PPME1: variants seen among roughly 807,000 people sequenced by gnomAD.
PPME1 encodes the protein protein phosphatase methylesterase 1, also known as testicular secretory protein Li 39.
In PPME1, 17 loss-of-function variants were observed where a neutral mutation model predicts 56.9. The observed-to-expected ratio is 0.30, with a 90% CI of 0.20 to 0.45. The LOEUF is 0.45. Among genes scored for constraint, PPME1 ranks in the 20% least tolerant of loss-of-function variants. The pLI is 1.00. For synonymous variants in PPME1, 122 were observed against 156.2 expected, an observed-to-expected ratio of 0.78 and a Z score of 1.63; for missense variants, 357 against 483.2, an observed-to-expected ratio of 0.74 and a Z score of 2.45.
rs1859041124 is a variant in PPME1 at position 74,230,615 on chromosome 11, CTATG to C, written c.553+222_553+225del. Among the ~76,000 whole-genome samples, 1 of 152,070 alleles carries C rather than the reference CTATG, an allele frequency of 6.6e-6. No individual in the cohort carries two copies. Among genetic ancestry groups the C allele is most frequent in the African/African-American group, 2.4e-5 (1 of 41,394 alleles). On this transcript the variant is annotated intron_variant, in intron 6 of 13. Coordinates refer to ENST00000328257, the MANE Select transcript of PPME1 (RefSeq NM_016147.3). This position sits in a 1 kb window ranked among gnomAD's most constrained non-coding sequence, Gnocchi z 4.9. ...TTTATGGCTGCATAATATTTCAATC[CTATG>C]TATGTCCCATAATTGTATTTAATCA...
intron 10 of PPME1, among the ~76,000 whole-genome samples, 195 bp downstream of exon 10, chr11:74,246,400 C>T (rs552288815): frequency 4.6e-5 from 7 of 152,250 alleles, no homozygotes; most frequent in South Asian, 4.1e-4. Context: ...CTCACATGGC[C>T]GAGAAAGAGT....
At chr11:74,203,614 A>G in intron 1 of PPME1, 114 bp from the exon 2 acceptor site, 1 of 650,060 alleles carries the variant, frequency 1.5e-6, no homozygotes, top group Admixed American at 3.0e-5. Context: ...TATATCTTTA[A>G]GAGAAAATAC....
intron 1 of PPME1, among the ~76,000 whole-genome samples, chr11:74,202,960 T>C (rs1858211621): frequency 1.3e-5 from 2 of 152,176 alleles, no homozygotes; most frequent in Non-Finnish European, 1.5e-5. Context: ...CTTGGAGTTA[T>C]ATATATGAAT....
chr11:74,240,598 A>C (rs1859331282), intron 9 of PPME1, among the ~76,000 whole-genome samples: 1 of 152,200 alleles, frequency 6.6e-6, no homozygotes, highest in South Asian at 2.1e-4. Flanking sequence ...ACAGTATTTT[A>C]AATTTGAGGA....
At chr11:74,174,862 A>G (rs550345675) in intron 1 of PPME1, among the ~76,000 whole-genome samples, 24 of 152,338 alleles carry the variant, frequency 1.6e-4, no homozygotes, top group African/African-American at 5.8e-4. Context: ...TAACCCAACT[A>G]GTAGGTAGCA....
chr11:74,218,393 G>T (rs1858712125), intron 3 of PPME1, among the ~76,000 whole-genome samples: 1 of 151,968 alleles, frequency 6.6e-6, no homozygotes, highest in Non-Finnish European at 1.5e-5. Context: ...TCAAAAAAAT[G>T]GAACAATTGT....
At chr11:74,179,361 G>A (rs552001014) in intron 1 of PPME1, among the ~76,000 whole-genome samples, 94 of 152,308 alleles carry the variant, frequency 6.2e-4, no homozygotes, top group Middle Eastern at 3.4e-3. Flanking sequence ...AGGCATGGTG[G>A]TGCGCACCTG....
At position 74,186,081 on chromosome 11, in the gene PPME1, T is replaced by C. The variant is rs563298505; in HGVS notation, c.101+14559T>C. Among the ~76,000 whole-genome samples, 159 of 152,330 alleles carry C rather than the reference T, an allele frequency of 1.0e-3. 1 individual carries two copies. The highest frequency in any genetic ancestry group is 3.7e-3 in the African/African-American group (153 of 41,572). On this transcript the variant is annotated intron_variant, in intron 1 of 13. Coordinates refer to ENST00000328257, the MANE Select transcript of PPME1 (RefSeq NM_016147.3). ...GCTCAACACAGAAAAGTAATAGTAA[T>C]GGGAGCTAGGATTTTCAAGCACATG...
chr11:74,183,858 A>G (rs1400759985), intron 1 of PPME1, among the ~76,000 whole-genome samples: 4 of 152,170 alleles, frequency 2.6e-5, no homozygotes, highest in East Asian at 1.9e-4. Context: ...TAGGAGCTCA[A>G]TAAACATTTG....
chr11:74,189,339 A>G, intron 1 of PPME1, among the ~76,000 whole-genome samples: 1 of 152,288 alleles, frequency 6.6e-6, no homozygotes, highest in South Asian at 2.1e-4. Flanking sequence ...ACCCAGGCTG[A>G]TGTGCAGTGG....
At chr11:74,185,148 T>C in intron 1 of PPME1, among the ~76,000 whole-genome samples, 1 of 151,832 alleles carries the variant, frequency 6.6e-6, no homozygotes, top group Non-Finnish European at 1.5e-5. Context: ...TACAGGCACA[T>C]GTCACCACAA....
chr11:74,197,122 T>C (rs907295432), intron 1 of PPME1, among the ~76,000 whole-genome samples: 3 of 152,260 alleles, frequency 2.0e-5, no homozygotes, highest in Admixed American at 2.0e-4. Flanking sequence ...TCTGTTCTTA[T>C]ACCTGTACCA....
chr11:74,208,739 G>A (rs550168157), intron 3 of PPME1, among the ~76,000 whole-genome samples: 1 of 152,284 alleles, frequency 6.6e-6, no homozygotes, highest in East Asian at 1.9e-4. Context: ...TGCAGAGGAA[G>A]GAATGATTAA....
intron 9 of PPME1, among the ~76,000 whole-genome samples, chr11:74,243,005 TTA>T (rs1338904076): frequency 1.3e-5 from 2 of 151,856 alleles, no homozygotes; most frequent in Middle Eastern, 3.2e-3. Flanking sequence ...ACACAAAGCG[TTA>T]TGTTTTTAAA....
At chr11:74,202,757 T>C (rs1206364310) in intron 1 of PPME1, among the ~76,000 whole-genome samples, 1 of 152,150 alleles carries the variant, frequency 6.6e-6, no homozygotes, top group Non-Finnish European at 1.5e-5. Context: ...TTTTTAATAA[T>C]ACATGATCAA....
In PPME1 at chr11:74,187,729, A is replaced by G. The variant is rs572758928; in HGVS notation, c.102-15999A>G. Among the ~76,000 whole-genome samples the G allele has an allele frequency of 4.6e-5, 7 of 152,322 alleles. No homozygotes were observed. The East Asian group carries it at 1.2e-3, about 25-fold the overall frequency. ...TCTGCTGTTCTTCTGAAATAATACA[A>G]TGACTTTAGCAACCTGTGGCAGGTG... On this transcript the variant is annotated intron_variant, in intron 1 of 13. Transcript: ENST00000328257.
chr11:74,250,736 C>T (rs1368720863), intron 11 of PPME1: 6 of 532,608 alleles, frequency 1.1e-5, no homozygotes, highest in African/African-American at 7.5e-5. Flanking sequence ...TAAATGTACA[C>T]TAAATAGGAC....
At position 74,253,594 on chromosome 11, in the gene PPME1, C is replaced by G. The variant is rs1048513488; in HGVS notation, c.*84C>G. 6.9e-7 allele frequency: 1 copy of G among 1,448,294 alleles called. No individual in the cohort carries two copies. The highest frequency in any genetic ancestry group is 9.7e-7 in the Non-Finnish European group (1 of 1,030,030). The allele number at this position is 1,448,294 out of a possible 1,614,324, so 89.7% of individuals were successfully genotyped here. On this transcript the variant is annotated 3_prime_UTR_variant, in exon 14 of 14. Coordinates refer to ENST00000328257, the MANE Select transcript of PPME1 (RefSeq NM_016147.3). ...GGCCACTGTGATGCCACTGTCTCCT[C>G]TCCATCCCGCCCAGCCATGTGACAC...
intron 11 of PPME1, chr11:74,250,159 A>G (rs1158369307): frequency 6.6e-6 from 1 of 152,172 alleles, no homozygotes; most frequent in African/African-American, 2.4e-5. Context: ...TTTCAAGCCC[A>G]TTCCTTTATT....
Sources: allele counts gnomAD v4.1 joint callset (sites outside exome capture counted in the v4.1 genomes callset), GRCh38; gene constraint gnomAD v4.1.1; non-coding constraint Gnocchi (gnomAD v3.1); transcripts MANE v1.5; gene names NCBI Gene and HGNC (gene_info 2026-07-23, HGNC 2026-07-21).